LNPK: variants seen among roughly 807,000 people sequenced by gnomAD.
LNPK encodes the protein endoplasmic reticulum junction formation protein lunapark.
LNPK carries 29 observed loss-of-function variants against 55.2 expected under a neutral mutation model. The observed-to-expected ratio is 0.53, with a 90% CI of 0.39 to 0.72. The LOEUF (loss-of-function observed/expected upper bound fraction) is 0.72, where lower values mean the gene tolerates loss of function less well. LNPK is among the 30% of genes least tolerant of loss of function. LNPK has a pLI of 0.00. For missense variants in LNPK, 467 were observed against 494.8 expected (o/e 0.94, Z 0.53); for synonymous variants, 162 against 168.2 (o/e 0.96, Z 0.29).
intron 1 of LNPK, among the ~76,000 whole-genome samples, chr2:175,996,577 C>G (rs1687943303): frequency 6.6e-6 from 1 of 152,160 alleles, no homozygotes; most frequent in East Asian, 1.9e-4. Context: ...GATAAGAAAA[C>G]TAAGTGAAAA....
chr2:175,953,939 C>T (rs914166050), intron 8 of LNPK, among the ~76,000 whole-genome samples: 4 of 152,042 alleles, frequency 2.6e-5, no homozygotes, highest in African/African-American at 9.7e-5. Context: ...CTTCATATGA[C>T]CCCTACTTTC....
intron 8 of LNPK, among the ~76,000 whole-genome samples, chr2:175,961,007 C>A (rs1242182222): frequency 6.6e-6 from 1 of 152,056 alleles, no homozygotes; most frequent in African/African-American, 2.4e-5. Context: ...AAGACTAAAC[C>A]AGGAAGAAAC....
chr2:175,992,758 A>T (rs1050871285), intron 3 of LNPK, among the ~76,000 whole-genome samples: 2 of 152,186 alleles, frequency 1.3e-5, no homozygotes, highest in Non-Finnish European at 2.9e-5. Context: ...AAAGGCATTT[A>T]AAAAATCTGG....
rs767330282 is a variant in LNPK at position 175,925,665 on chromosome 2, C to CT, written c.*4301dup. On this transcript the variant is annotated 3_prime_UTR_variant, in exon 13 of 13. Coordinates refer to ENST00000272748, the MANE Select transcript of LNPK (RefSeq NM_030650.3). The stretch of plus-strand genomic sequence containing the variant: ...ATGGCGTGGCAGATTCATTTTCTTT[C>CT]TTTCTTTTTTTTTTTTGAGATGGAG... 0.022 allele frequency: 3,212 copies of CT among 145,470 alleles called. 86 individuals are homozygous for CT. The highest frequency in any genetic ancestry group is 0.062 in the South Asian group (277 of 4,502). The allele number at this position is 145,470 out of a possible 1,614,324, so 9.0% of individuals were successfully genotyped here.
intron 1 of LNPK, among the ~76,000 whole-genome samples, chr2:176,000,594 T>A (rs1688124886): frequency 6.6e-6 from 1 of 152,206 alleles, no homozygotes; most frequent in Non-Finnish European, 1.5e-5. Context: ...GAGCAAAAAA[T>A]TCTGTAGACT....
intron 12 of LNPK, among the ~76,000 whole-genome samples, chr2:175,934,115 T>C (rs963918481): frequency 6.6e-6 from 1 of 152,212 alleles, no homozygotes; most frequent in African/African-American, 2.4e-5. Context: ...AAAAGATCTC[T>C]GTGTCTAAAA....
At chr2:175,933,300 T>C (rs1238936025) in intron 12 of LNPK, among the ~76,000 whole-genome samples, 3 of 152,116 alleles carry the variant, frequency 2.0e-5, no homozygotes, top group Non-Finnish European at 4.4e-5. Flanking sequence ...ACTACACACA[T>C]GCAAAAACAT....
intron 5 of LNPK, among the ~76,000 whole-genome samples, chr2:175,976,416 G>C (rs1686916150): frequency 6.6e-6 from 1 of 152,194 alleles, no homozygotes; most frequent in Non-Finnish European, 1.5e-5. Flanking sequence ...TAGCTCCCAG[G>C]CTTTTGGTCT....
intron 10 of LNPK, among the ~76,000 whole-genome samples, chr2:175,938,975 G>T (rs997898737): frequency 9.2e-5 from 14 of 151,678 alleles, no homozygotes; most frequent in African/African-American, 3.4e-4. Flanking sequence ...ATTCTATTTT[G>T]AATAACATAC....
intron 8 of LNPK, among the ~76,000 whole-genome samples, chr2:175,963,030 G>A (rs536759152): frequency 1.0e-3 from 153 of 147,500 alleles, no homozygotes; most frequent in Non-Finnish European, 1.6e-3. Flanking sequence ...AGTTAGAATG[G>A]CAATCATTAA....
At chr2:175,952,843 T>C (rs1230154762) in intron 8 of LNPK, among the ~76,000 whole-genome samples, 1 of 152,126 alleles carries the variant, frequency 6.6e-6, no homozygotes, top group Non-Finnish European at 1.5e-5. Flanking sequence ...ACTACTAATG[T>C]TGCATTAACA....
chr2:175,993,742 G>A (rs1001343002), intron 2 of LNPK, among the ~76,000 whole-genome samples: 6 of 151,942 alleles, frequency 3.9e-5, no homozygotes, highest in South Asian at 4.2e-4. Context: ...GCAGTGAGCC[G>A]AGATCGCACC....
chr2:175,994,632 G>C (rs1687849188), intron 2 of LNPK, among the ~76,000 whole-genome samples: 1 of 151,222 alleles, frequency 6.6e-6, no homozygotes, highest in South Asian at 2.1e-4. Flanking sequence ...AAGCGATCCT[G>C]CCTCAGCCTC....
rs2105536220 is a variant in LNPK, at chr2:175,939,655, G to A, written c.709C>T (p.Leu237Phe). 6.8e-7 allele frequency: 1 copy of A among 1,477,170 alleles called. No individual in the cohort carries two copies. The highest frequency in any genetic ancestry group is 9.3e-7 in the Non-Finnish European group (1 of 1,073,484). The allele number at this position is 1,477,170 out of a possible 1,614,324, so 91.5% of individuals were successfully genotyped here. Residue 237 changes from leucine (L) to phenylalanine (F), a missense_variant and splice_region_variant, in exon 10 of 13, where the codon CTT (leucine) becomes TTT (phenylalanine). Physicochemically the swap from Leu to Phe is conservative, Grantham distance 22 (BLOSUM62 0). Coordinates refer to ENST00000272748, the MANE Select transcript of LNPK (RefSeq NM_030650.3). ...GCTAAAGGTGGACCTGGAGGATGAA[G>A]ACCTATTAAATAAATAAATACATAC... ...SPATSVPGMG[L>F]HPPGPPLARP...
In LNPK at chr2:175,944,631, A is replaced by G. The variant is rs1685032718; in HGVS notation, c.706+2849T>C. Among the ~76,000 whole-genome samples, 4 of 152,314 alleles carry G rather than the reference A, an allele frequency of 2.6e-5. No homozygotes were observed. In the South Asian group the frequency reaches 8.3e-4, roughly 32 times the overall value. On this transcript the variant is annotated intron_variant, in intron 9 of 12. Coordinates refer to ENST00000272748, the MANE Select transcript of LNPK (RefSeq NM_030650.3). Reference sequence around the variant, plus strand: ...CAATGGAGGTTTACATGGAGACTTCATAGAAGACTCTGAAACAAAATGGAA... The same window carrying G: ...CAATGGAGGTTTACATGGAGACTTCGTAGAAGACTCTGAAACAAAATGGAA...
intron 8 of LNPK, among the ~76,000 whole-genome samples, chr2:175,958,002 G>A (rs1043285877): frequency 2.0e-5 from 3 of 152,334 alleles, no homozygotes; most frequent in South Asian, 2.1e-4. Context: ...AGCCTGGGGT[G>A]GGGGAGGGGC....
rs1430890061 is a variant in LNPK, at chr2:175,927,806, T to A, written c.*2161A>T. 2.1e-5 allele frequency: 3 copies of A among 146,232 alleles called. No homozygotes were observed. The highest frequency in any genetic ancestry group is 7.6e-5 in the African/African-American group (3 of 39,434). 9.1% of individuals were successfully genotyped at this position (146,232 alleles called of 1,614,324 possible). On this transcript the variant is annotated 3_prime_UTR_variant, in exon 13 of 13. Coordinates refer to ENST00000272748, the MANE Select transcript of LNPK (RefSeq NM_030650.3). ...TTATAATAATAATGAAAATAAGCTT[T>A]TGTATCTAAAAGGATACTATATGGT...
At position 175,979,947 on chromosome 2, in the gene LNPK, T is replaced by C. The variant is rs185016924; in HGVS notation, c.258-79A>G. ...AGAAGCCATGTAAAATGAAAACATA[T>C]ATTTCCAATTAGAGTTAGGTACATT... On this transcript the variant is annotated intron_variant, in intron 4 of 12. Coordinates refer to ENST00000272748, the MANE Select transcript of LNPK (RefSeq NM_030650.3). The C allele has an allele frequency of 2.1e-4, 271 of 1,300,100 alleles. No homozygotes were observed. The African/African-American group carries it at 3.4e-3, about 16-fold the overall frequency. 80.5% of individuals were successfully genotyped at this position (1,300,100 alleles called of 1,614,324 possible). A position where few individuals can be genotyped will look rare whatever the true frequency, so the allele number is the denominator to read the frequency against.
At chr2:175,947,779 A>T in intron 8 of LNPK, 87 bp from the exon 9 acceptor site, 1 of 945,388 alleles carries the variant, frequency 1.1e-6, no homozygotes, top group Non-Finnish European at 1.5e-6. Flanking sequence ...TTAAAATTTT[A>T]CGCCCCAAAA....
Sources: gnomAD v4.1 joint callset for allele counts (sites outside exome capture counted in the v4.1 genomes callset) on GRCh38, gnomAD v4.1.1 for gene constraint, MANE v1.5 for transcripts, NCBI Gene and HGNC (gene_info 2026-07-23, HGNC 2026-07-21) for gene names.